The following MAGI2 variants were observed in gnomAD, a reference collection of about 807,000 sequenced individuals.
MAGI2 encodes the protein membrane-associated guanylate kinase, WW and PDZ domain-containing protein 2.
In MAGI2, 35 loss-of-function variants were observed where a neutral mutation model predicts 133.3. That is an observed-to-expected ratio of 0.26 (90% CI 0.20 to 0.35). The LOEUF (loss-of-function observed/expected upper bound fraction) is 0.35, where lower values mean the gene tolerates loss of function less well. MAGI2 is among the 10% of genes least tolerant of loss of function. MAGI2 has a pLI of 1.00. For synonymous variants in MAGI2, 729 were observed against 710.6 expected, an observed-to-expected ratio of 1.03 and a Z score of -0.41; for missense variants, 1,636 against 1,863.4, an observed-to-expected ratio of 0.88 and a Z score of 2.25.
At chr7:79,298,592 T>C (rs1253755518) in intron 1 of MAGI2, among the ~76,000 whole-genome samples, 2 of 152,204 alleles carry the variant, frequency 1.3e-5, no homozygotes, top group African/African-American at 4.8e-5. Context: ...TTCTATTATA[T>C]GGTAGAAACT....
chr7:79,333,958 T>C (rs905699149), intron 1 of MAGI2, among the ~76,000 whole-genome samples: 2 of 152,226 alleles, frequency 1.3e-5, no homozygotes, highest in African/African-American at 4.8e-5. Flanking sequence ...AGAACACTTT[T>C]ACTTTCCAAA....
chr7:78,819,320 T>G (rs574919570), intron 2 of MAGI2, among the ~76,000 whole-genome samples: 3 of 152,114 alleles, frequency 2.0e-5, no homozygotes, highest in Non-Finnish European at 2.9e-5. Flanking sequence ...GACTCTTGTA[T>G]GTAAATTTGT....
intron 21 of MAGI2, chr7:78,025,942 G>C (rs1161588200): frequency 6.6e-6 from 1 of 152,328 alleles, no homozygotes; most frequent in African/African-American, 2.4e-5. Flanking sequence ...TCTGTCCCTG[G>C]GAAGTCATTA....
At chr7:78,259,199 T>G (rs2150958589) in intron 9 of MAGI2, among the ~76,000 whole-genome samples, 1 of 151,942 alleles carries the variant, frequency 6.6e-6, no homozygotes. Context: ...ATTCAGTGAG[T>G]TTTTTTTAAC....
chr7:79,303,827 GT>G (rs1224347329), intron 1 of MAGI2, among the ~76,000 whole-genome samples: 1 of 152,124 alleles, frequency 6.6e-6, no homozygotes, highest in Non-Finnish European at 1.5e-5. Flanking sequence ...CGACATTAAG[GT>G]TAGCTTGTCT....
intron 10 of MAGI2, among the ~76,000 whole-genome samples, chr7:78,202,921 G>A (rs1351395282): frequency 3.9e-5 from 6 of 152,116 alleles, no homozygotes; most frequent in African/African-American, 1.4e-4. Context: ...TTTGGAAAGA[G>A]TTGACAGTAA....
chr7:78,806,332 A>C (rs574430336), intron 2 of MAGI2, among the ~76,000 whole-genome samples: 1 of 152,310 alleles, frequency 6.6e-6, no homozygotes, highest in African/African-American at 2.4e-5. Flanking sequence ...CAAATGAAGT[A>C]GAATAATATA....
intron 9 of MAGI2, among the ~76,000 whole-genome samples, chr7:78,330,301 T>C (rs901979086): frequency 6.6e-6 from 1 of 152,186 alleles, no homozygotes. Context: ...TAGTAATCCA[T>C]GTCAGACTAG....
intron 1 of MAGI2, among the ~76,000 whole-genome samples, chr7:79,398,594 G>T (rs1251574140): frequency 6.6e-6 from 1 of 152,164 alleles, no homozygotes; most frequent in Non-Finnish European, 1.5e-5. Context: ...ATTTGGACAG[G>T]AAGTTGTTTT....
At chr7:78,556,433 G>A (rs75889153) in intron 3 of MAGI2, among the ~76,000 whole-genome samples, 4,018 of 152,276 alleles carry the variant, frequency 0.026, 187 homozygotes, top group African/African-American at 0.092. Context: ...GGATTCATCC[G>A]TTTACTTATG....
In MAGI2 at chr7:78,385,539, C is replaced by T. The variant is rs1201694676; in HGVS notation, c.1046-16326G>A. On this transcript the variant is annotated intron_variant, in intron 6 of 21. Coordinates refer to ENST00000354212, the MANE Select transcript of MAGI2 (RefSeq NM_012301.4). Reference sequence around the variant, plus strand: ...GTATTAATCTAAGGCATCATTGCTGCTTATTAAAATTTAATGAAAGTAATG... The same window carrying T: ...GTATTAATCTAAGGCATCATTGCTGTTTATTAAAATTTAATGAAAGTAATG... Among the ~76,000 whole-genome samples the T allele has an allele frequency of 2.0e-5, 3 of 152,234 alleles. No individual in the cohort carries two copies. In the East Asian group the frequency reaches 5.8e-4, roughly 29 times the overall value.
At chr7:78,138,060 G>C (rs571829379) in intron 16 of MAGI2, among the ~76,000 whole-genome samples, 1 of 152,278 alleles carries the variant, frequency 6.6e-6, no homozygotes, top group South Asian at 2.1e-4. Context: ...ATTTGTCCAA[G>C]GTCACATATG....
At chr7:78,800,099 C>T (rs1787939447) in intron 2 of MAGI2, among the ~76,000 whole-genome samples, 1 of 152,042 alleles carries the variant, frequency 6.6e-6, no homozygotes, top group African/African-American at 2.4e-5. Flanking sequence ...GAAGTTTTAC[C>T]ACTATTTAGT....
chr7:78,866,284 G>C (rs1341838988), intron 2 of MAGI2, among the ~76,000 whole-genome samples: 1 of 152,134 alleles, frequency 6.6e-6, no homozygotes, highest in African/African-American at 2.4e-5. Context: ...TGATGGAATG[G>C]GAAGGAAGTC....
intron 1 of MAGI2, among the ~76,000 whole-genome samples, chr7:79,297,102 C>A (rs760198478): frequency 6.6e-6 from 1 of 152,098 alleles, no homozygotes; most frequent in Non-Finnish European, 1.5e-5. Context: ...TTCAGTCATG[C>A]CAGCAGGAAG....
intron 2 of MAGI2, among the ~76,000 whole-genome samples, chr7:78,978,065 T>C (rs80274546): frequency 0.022 from 3,311 of 151,888 alleles, 86 homozygotes; most frequent in African/African-American, 0.07. Flanking sequence ...CACTCATTCA[T>C]TGCTGGAGTA....
At chr7:78,459,647 T>C (rs959173799) in intron 6 of MAGI2, among the ~76,000 whole-genome samples, 8 of 152,374 alleles carry the variant, frequency 5.3e-5, no homozygotes, top group Admixed American at 3.3e-4. Flanking sequence ...TAAAACTTAA[T>C]TGAACACTTT....
At chr7:78,455,120 T>C (rs2151492637) in intron 6 of MAGI2, among the ~76,000 whole-genome samples, 1 of 152,232 alleles carries the variant, frequency 6.6e-6, no homozygotes, top group African/African-American at 2.4e-5. Context: ...ATATACCACA[T>C]TAATGCAAGA....
chr7:78,698,541 T>A (rs2151141862), intron 2 of MAGI2, among the ~76,000 whole-genome samples: 1 of 152,244 alleles, frequency 6.6e-6, no homozygotes, highest in East Asian at 1.9e-4. Flanking sequence ...TCGGTACGTT[T>A]AAGAAAATAA....
Sources: allele counts gnomAD v4.1 joint callset (sites outside exome capture counted in the v4.1 genomes callset), GRCh38; gene constraint gnomAD v4.1.1; transcripts MANE v1.5; gene names NCBI Gene and HGNC (gene_info 2026-07-23, HGNC 2026-07-21).